Variants in KLHL32 observed in about 807,000 individuals in gnomAD.
KLHL32 encodes the protein kelch-like protein 32.
In KLHL32, 35 loss-of-function variants were observed where a neutral mutation model predicts 64.8. The observed-to-expected ratio is 0.54, with a 90% CI of 0.41 to 0.72. The LOEUF is 0.72. Among genes scored for constraint, KLHL32 ranks in the 30% least tolerant of loss-of-function variants. KLHL32 has a pLI of 0.00. For missense variants in KLHL32, 589 were observed against 768.5 expected (o/e 0.77, Z 2.76); for synonymous variants, 259 against 281.0 (o/e 0.92, Z 0.78).
At chr6:96,902,039 C>A in the KLHL32 span, among the ~76,000 whole-genome samples, 1 of 152,166 alleles carries the variant, frequency 6.6e-6, no homozygotes, top group Non-Finnish European at 1.5e-5. Context: ...CTGCAATGAA[C>A]ATACATGTGC....
chr6:97,033,797 A>G (rs543593407), intron 3 of KLHL32, among the ~76,000 whole-genome samples: 2 of 152,174 alleles, frequency 1.3e-5, no homozygotes, highest in African/African-American at 4.8e-5. Flanking sequence ...ATCTTTTTAT[A>G]TACCTGTTGC....
At chr6:96,964,444 G>A (rs752620189) in intron 1 of KLHL32, among the ~76,000 whole-genome samples, 3 of 152,202 alleles carry the variant, frequency 2.0e-5, no homozygotes, top group Non-Finnish European at 4.4e-5. Context: ...ACAAGGTCAG[G>A]AGATCGAGAC....
intron 6 of KLHL32, among the ~76,000 whole-genome samples, 191 bp downstream of exon 6, chr6:97,085,532 T>C: frequency 6.6e-6 from 1 of 152,240 alleles, no homozygotes; most frequent in Non-Finnish European, 1.5e-5. Flanking sequence ...CTCAGCGGAC[T>C]CTGCCGCTTA....
intron 3 of KLHL32, among the ~76,000 whole-genome samples, chr6:97,039,949 G>T (rs1784882415): frequency 6.6e-6 from 1 of 152,000 alleles, no homozygotes; most frequent in Non-Finnish European, 1.5e-5. Context: ...ACACTGATTT[G>T]GCAATTAAAA....
chr6:97,129,467 C>T (rs1282471318), intron 8 of KLHL32, among the ~76,000 whole-genome samples: 2 of 152,126 alleles, frequency 1.3e-5, no homozygotes, highest in Non-Finnish European at 2.9e-5. Flanking sequence ...CATATTTGGT[C>T]TTCATTTAAT....
At chr6:97,130,734 T>C (rs1295959508) in intron 8 of KLHL32, 23 bp from the exon 9 acceptor site, 1 of 1,590,978 alleles carries the variant, frequency 6.3e-7, no homozygotes, top group Non-Finnish European at 8.6e-7. Context: ...ACTAACAGAA[T>C]ACACTTAAAT....
chr6:97,058,149 G>GT (rs1405724631), intron 4 of KLHL32, among the ~76,000 whole-genome samples: 3 of 151,854 alleles, frequency 2.0e-5, no homozygotes, highest in Admixed American at 6.6e-5. Flanking sequence ...GATAACTGTA[G>GT]TTTTTTTTAG....
intron 7 of KLHL32, 150 bp from the exon 8 acceptor site, chr6:97,127,254 A>G (rs1798968470): frequency 4.8e-6 from 3 of 629,538 alleles, no homozygotes; most frequent in African/African-American, 1.9e-5. Flanking sequence ...TTCAACAATA[A>G]GCTTCTTAAT....
intron 4 of KLHL32, among the ~76,000 whole-genome samples, chr6:97,061,080 C>A (rs184339927): frequency 6.6e-6 from 1 of 152,130 alleles, no homozygotes; most frequent in African/African-American, 2.4e-5. Flanking sequence ...GTCCAACATC[C>A]CTCATTCGAG....
chr6:96,903,321 TA>T, the KLHL32 span, among the ~76,000 whole-genome samples: 1 of 152,050 alleles, frequency 6.6e-6, no homozygotes, highest in Non-Finnish European at 1.5e-5. Context: ...GACATGCTTC[TA>T]GCCAATAGAA....
At chr6:97,082,353 C>T (rs1334801395) in intron 5 of KLHL32, among the ~76,000 whole-genome samples, 2 of 152,114 alleles carry the variant, frequency 1.3e-5, no homozygotes, top group African/African-American at 4.8e-5. Flanking sequence ...GTGGCTCACA[C>T]CTGTAATCCC....
chr6:97,005,044 T>G (rs1779490794), intron 3 of KLHL32, among the ~76,000 whole-genome samples: 1 of 152,166 alleles, frequency 6.6e-6, no homozygotes, highest in South Asian at 2.1e-4. Flanking sequence ...TTGAATAGTT[T>G]TAGTGGGAAT....
At chr6:97,102,123 GT>G (rs1795810615) in intron 6 of KLHL32, among the ~76,000 whole-genome samples, 1 of 152,152 alleles carries the variant, frequency 6.6e-6, no homozygotes, top group Non-Finnish European at 1.5e-5. Flanking sequence ...CAGCATGTTG[GT>G]TTTTCATAAA....
the KLHL32 span, among the ~76,000 whole-genome samples, chr6:96,900,777 T>A: frequency 6.6e-6 from 1 of 152,198 alleles, no homozygotes; most frequent in Non-Finnish European, 1.5e-5. Flanking sequence ...GTTTCATCAA[T>A]CAAATCTCAA....
intron 5 of KLHL32, among the ~76,000 whole-genome samples, chr6:97,069,514 G>A (rs1790366714): frequency 6.6e-6 from 1 of 150,830 alleles, no homozygotes; most frequent in African/African-American, 2.4e-5. Context: ...GAAGGTATCT[G>A]AGTGCTGTTT....
chr6:96,963,987 T>A (rs973906137), intron 1 of KLHL32, among the ~76,000 whole-genome samples: 30 of 152,202 alleles, frequency 2.0e-4, no homozygotes, highest in African/African-American at 7.0e-4. Flanking sequence ...AAGAGCCACC[T>A]CATTTGCTTC....
intron 5 of KLHL32, among the ~76,000 whole-genome samples, chr6:97,079,709 A>G (rs1262223417): frequency 6.6e-6 from 1 of 152,224 alleles, no homozygotes; most frequent in Non-Finnish European, 1.5e-5. Flanking sequence ...TGAGAAACAA[A>G]TAGAAGGAAT....
Position 97,130,740 on chromosome 6 carries a change from T to G in KLHL32, c.1414-17T>G. The G allele has an allele frequency of 6.3e-7, 1 of 1,596,340 alleles. No individual in the cohort carries two copies. Among genetic ancestry groups the G allele is most frequent in the South Asian group, 1.1e-5 (1 of 88,344 alleles). ...AGGTCTCCTACTAACAGAATACACTTAAATTTCTTTTTTCAGAATAAGTGG... is the reference window on the plus strand; with the variant it reads ...AGGTCTCCTACTAACAGAATACACTGAAATTTCTTTTTTCAGAATAAGTGG... On this transcript the variant is annotated splice_polypyrimidine_tract_variant and intron_variant, in intron 8 of 10. Coordinates refer to ENST00000369261, the MANE Select transcript of KLHL32 (RefSeq NM_052904.4).
intron 2 of KLHL32, 28 bp downstream of exon 2, chr6:96,967,111 T>G (rs777674168): frequency 6.2e-7 from 1 of 1,609,740 alleles, no homozygotes; most frequent in African/African-American, 1.3e-5. Context: ...TGTCCTCACA[T>G]GCCGTAGTGA....
Sources: allele counts gnomAD v4.1 joint callset (sites outside exome capture counted in the v4.1 genomes callset), GRCh38; gene constraint gnomAD v4.1.1; transcripts MANE v1.5; gene names NCBI Gene and HGNC (gene_info 2026-07-23, HGNC 2026-07-21).